The following CHLSN variants were observed in gnomAD, a reference collection of about 807,000 sequenced individuals.
CHLSN encodes protein cholesin.
chr7:1,079,574 T>C, the CHLSN span, among the ~76,000 whole-genome samples: 20 of 152,180 alleles, frequency 1.3e-4, no homozygotes, highest in Non-Finnish European at 1.0e-4. Flanking sequence ...AAACATTCAA[T>C]AAACCAGCGT....
chr7:1,059,330 A>C, the CHLSN span: 1 of 155,800 alleles, frequency 6.4e-6, no homozygotes, highest in Non-Finnish European at 1.5e-5. Flanking sequence ...AGGCTGTGTC[A>C]CACGGGGTCT....
the CHLSN span, among the ~76,000 whole-genome samples, chr7:1,123,473 G>T: frequency 6.6e-6 from 1 of 152,130 alleles, no homozygotes; most frequent in African/African-American, 2.4e-5. This position sits in a 1 kb window ranked among gnomAD's most constrained non-coding sequence, Gnocchi z 4.4. Context: ...GATCCACTGG[G>T]GGAGGGGAGG....
the CHLSN span, among the ~76,000 whole-genome samples, chr7:1,005,171 A>G: frequency 2.0e-5 from 3 of 152,270 alleles, no homozygotes; most frequent in East Asian, 5.8e-4. Context: ...GATGCCTGTA[A>G]TCTCAGCTAC....
chr7:1,005,868 C>T, the CHLSN span, among the ~76,000 whole-genome samples: 33 of 152,294 alleles, frequency 2.2e-4, no homozygotes, highest in African/African-American at 3.8e-4. Context: ...CACCACCTCC[C>T]GCCTCGAGCA....
At chr7:1,076,998 G>A in the CHLSN span, among the ~76,000 whole-genome samples, 1 of 152,252 alleles carries the variant, frequency 6.6e-6, no homozygotes, top group Non-Finnish European at 1.5e-5. Flanking sequence ...GTACCCTGCT[G>A]TTGCGGGCAG....
chr7:1,090,275 C>T, the CHLSN span, among the ~76,000 whole-genome samples: 1 of 152,188 alleles, frequency 6.6e-6, no homozygotes, highest in Admixed American at 6.5e-5. Context: ...CCCACCAGCA[C>T]CCCCCTGTGA....
At chr7:1,002,180 G>A in the CHLSN span, among the ~76,000 whole-genome samples, 1 of 127,484 alleles carries the variant, frequency 7.8e-6, no homozygotes, top group Non-Finnish European at 1.6e-5. Context: ...TGCAGGTGGG[G>A]AGTCCTGTGG....
the CHLSN span, among the ~76,000 whole-genome samples, chr7:1,030,472 T>G: frequency 0.018 from 2,814 of 152,248 alleles, 117 homozygotes; most frequent in East Asian, 0.19. Flanking sequence ...GGGGACGTGG[T>G]GCCGGCTGAG....
At chr7:1,015,983 A>G in the CHLSN span, among the ~76,000 whole-genome samples, 51,266 of 144,754 alleles carry the variant, frequency 0.35, 10,943 homozygotes, top group African/African-American at 0.55. Context: ...GGGCAGGACC[A>G]TCTAGTGTCT....
chr7:1,072,033 G>C, the CHLSN span, among the ~76,000 whole-genome samples: 2 of 152,234 alleles, frequency 1.3e-5, no homozygotes, highest in Non-Finnish European at 2.9e-5. Context: ...CAGGGGAAGA[G>C]CGGGGAGGGG....
At chr7:1,051,722 C>T in the CHLSN span, among the ~76,000 whole-genome samples, 1 of 152,182 alleles carries the variant, frequency 6.6e-6, no homozygotes, top group African/African-American at 2.4e-5. Flanking sequence ...ACCTGTAATC[C>T]CAGCACTTTG....
At chr7:992,440 C>T in the CHLSN span, among the ~76,000 whole-genome samples, 5 of 152,240 alleles carry the variant, frequency 3.3e-5, no homozygotes, top group Admixed American at 6.5e-5. Flanking sequence ...CCGGGCTGGC[C>T]GGGCTTAGGA....
the CHLSN span, among the ~76,000 whole-genome samples, chr7:1,133,933 A>T: frequency 2.6e-5 from 4 of 151,984 alleles, no homozygotes; most frequent in African/African-American, 9.7e-5. Context: ...CAGCCTCCGG[A>T]GTAGCTGGCA....
At chr7:1,094,193 T>TG in the CHLSN span, among the ~76,000 whole-genome samples, 1 of 152,246 alleles carries the variant, frequency 6.6e-6, no homozygotes, top group Non-Finnish European at 1.5e-5. Flanking sequence ...GGAAGGTTCC[T>TG]GCTCCTTCTC....
chr7:1,021,287 C>T, the CHLSN span: 1 of 769,678 alleles, frequency 1.3e-6, no homozygotes, highest in Non-Finnish European at 1.6e-6. Flanking sequence ...GTGTGGACCT[C>T]CAGGCTGGCA....
At chr7:983,078 C>A in the CHLSN span, 2 of 777,004 alleles carry the variant, frequency 2.6e-6, no homozygotes, top group Non-Finnish European at 3.7e-6. Flanking sequence ...GGGGGCTGCC[C>A]TGCAAACTGC....
the CHLSN span, chr7:1,000,388 T>A: frequency 2.7e-6 from 3 of 1,115,894 alleles, no homozygotes; most frequent in African/African-American, 2.0e-5. Context: ...TGCACACACC[T>A]CAGCCCCCGG....
At chr7:1,120,541 C>A in the CHLSN span, among the ~76,000 whole-genome samples, 2 of 152,204 alleles carry the variant, frequency 1.3e-5, no homozygotes, top group African/African-American at 4.8e-5. Context: ...ATCCTTCTGC[C>A]TCGGCCTCCC....
At chr7:981,379 G>A in the CHLSN span, among the ~76,000 whole-genome samples, 3 of 151,892 alleles carry the variant, frequency 2.0e-5, no homozygotes, top group South Asian at 2.1e-4. Flanking sequence ...TTTTGGAGGC[G>A]GCCACAGTAG....
Sources: gnomAD v4.1 joint callset for allele counts (sites outside exome capture counted in the v4.1 genomes callset) on GRCh38, gnomAD v4.1.1 for gene constraint, Gnocchi (gnomAD v3.1) non-coding constraint, MANE v1.5 for transcripts, NCBI Gene and HGNC (gene_info 2026-07-23, HGNC 2026-07-21) for gene names.